The following ZNF518A variants were observed in gnomAD, a reference collection of about 807,000 sequenced individuals.
ZNF518A encodes zinc finger protein 518A, also known as zinc finger protein 518.
Under a neutral mutation model 102.7 loss-of-function variants are expected in ZNF518A, and 47 were observed. That is an observed-to-expected ratio of 0.46 (90% CI 0.36 to 0.58). ZNF518A has a LOEUF of 0.58. Among genes scored for constraint, ZNF518A ranks in the 20% least tolerant of loss-of-function variants. The pLI, the probability that ZNF518A is intolerant of heterozygous loss-of-function variation, is 0.00. For missense variants in ZNF518A, 1,793 were observed against 1,699.8 expected (o/e 1.05, Z -0.96); for synonymous variants, 652 against 594.6 (o/e 1.10, Z -1.40).
intron 1 of ZNF518A, chr10:96,196,855 T>G: frequency 6.4e-7 from 1 of 1,551,164 alleles, no homozygotes; most frequent in South Asian, 1.1e-5. Context: ...GTATTTGATG[T>G]CATTATACTC....
At chr10:96,204,615 T>G, downstream of ZNF518A, 1 of 1,613,990 alleles carries the variant, frequency 6.2e-7, no homozygotes, top group Non-Finnish European at 8.5e-7. Context: ...GTATAGGTTT[T>G]TCTGGATCAG....
intron 1 of ZNF518A, among the ~76,000 whole-genome samples, chr10:96,179,777 C>CTT: frequency 2.0e-5 from 3 of 149,320 alleles, no homozygotes. Flanking sequence ...TCTTCTTCTT[C>CTT]CTTTTCTTCT....
chr10:96,158,836 C>T lies in ZNF518A; in HGVS notation c.2514C>T (p.Ile838=). Residue 838 remains isoleucine, a synonymous_variant, in exon 6 of 6, where the codon ATC becomes ATT. Coordinates refer to ENST00000316045, the MANE Select transcript of ZNF518A (RefSeq NM_001330736.2). ...ESSKDFKVQG[I]FPVPPGSVGI... ...CGAAAGATTTCAAAGTGCAAGGCAT[C>T]TTCCCAGTTCCACCTGGCAGTGTGG... The T allele has an allele frequency of 6.2e-7, 1 of 1,613,776 alleles. No individual in the cohort carries two copies. The highest frequency in any genetic ancestry group is 1.1e-5 in the South Asian group (1 of 91,074).
chr10:96,146,112 A>G (rs144496917), intron 3 of ZNF518A, among the ~76,000 whole-genome samples: 70 of 151,596 alleles, frequency 4.6e-4, no homozygotes, highest in African/African-American at 1.5e-3. Context: ...TTTTTTTTTC[A>G]CTTAAGGTAT....
At chr10:96,167,234 G>C (rs1487430200), downstream of ZNF518A, among the ~76,000 whole-genome samples, 1 of 152,196 alleles carries the variant, frequency 6.6e-6, no homozygotes, top group Non-Finnish European at 1.5e-5. Context: ...GCTGAGGTGG[G>C]TGGATCACTT....
chr10:96,157,915 G>T lies in ZNF518A; in HGVS notation c.1593G>T (p.Met531Ile). The part of the protein sequence containing the change: ...LSGKASSEKE[M>I]TLISQRNNML... ...GGAAAGCAAGTTCAGAAAAAGAAAT[G>T]ACTTTGATATCTCAAAGGAATAATA... The change falls in exon 6 of 6, where the codon ATG becomes ATT. Residue 531 changes from methionine to isoleucine, a missense_variant. This residue lies in a region of ZNF518A where 1,741 missense variants were observed against 1,622.6 expected (regional missense o/e 1.07). Coordinates refer to ENST00000316045, the MANE Select transcript of ZNF518A (RefSeq NM_001330736.2). 5 of 1,613,732 alleles carry T rather than the reference G, an allele frequency of 3.1e-6. No individual in the cohort carries two copies. Among genetic ancestry groups the T allele is most frequent in the South Asian group, 1.1e-5 (1 of 91,012 alleles).
chr10:96,141,921 T>C (rs1300021168), intron 3 of ZNF518A, among the ~76,000 whole-genome samples: 4 of 152,186 alleles, frequency 2.6e-5, no homozygotes, highest in African/African-American at 7.2e-5. Context: ...TAAAATACTT[T>C]TGTAGAGATG....
In ZNF518A at chr10:96,162,522, A is replaced by T. The variant is rs1465041630; in HGVS notation, c.*1748A>T. ...TTCAAGCTATCTTGCTATGCACATT[A>T]TACTTGTACTGTTTTGTGCAGTTTG... On this transcript the variant is annotated 3_prime_UTR_variant, in exon 6 of 6. Coordinates refer to ENST00000316045, the MANE Select transcript of ZNF518A (RefSeq NM_001330736.2). 1 of 166,904 alleles carries T rather than the reference A, an allele frequency of 6.0e-6. No individual in the cohort carries two copies. Among genetic ancestry groups the T allele is most frequent in the African/African-American group, 2.4e-5 (1 of 41,462 alleles). The allele number at this position is 166,904 out of a possible 1,614,324, so 10.3% of individuals were successfully genotyped here. A position where few individuals can be genotyped will look rare whatever the true frequency, so the allele number is the denominator to read the frequency against.
At chr10:96,201,015 G>C (rs782086992) in intron 1 of ZNF518A, 1 of 1,614,102 alleles carries the variant, frequency 6.2e-7, no homozygotes, top group Non-Finnish European at 8.5e-7. Context: ...ATGAAAAGCT[G>C]GGTAGGGGCC....
chr10:96,146,320 G>A (rs781921771), intron 3 of ZNF518A, among the ~76,000 whole-genome samples: 4 of 152,200 alleles, frequency 2.6e-5, no homozygotes, highest in Non-Finnish European at 5.9e-5. Flanking sequence ...AAGTGAATCA[G>A]AAGTTGTATG....
At chr10:96,202,825 G>A (rs1422597242) in intron 1 of ZNF518A, among the ~76,000 whole-genome samples, 18 of 152,178 alleles carry the variant, frequency 1.2e-4, no homozygotes, top group Non-Finnish European at 2.2e-4. Context: ...ACACCCGAAT[G>A]TGCTAGGCCT....
chr10:96,133,843 G>C (rs1554873281), intron 3 of ZNF518A, among the ~76,000 whole-genome samples, 195 bp downstream of exon 3: 2 of 152,050 alleles, frequency 1.3e-5, no homozygotes, highest in Non-Finnish European at 1.5e-5. Flanking sequence ...TTTTTATTTT[G>C]TCAGAAAATA....
intron 3 of ZNF518A, among the ~76,000 whole-genome samples, chr10:96,144,378 T>C (rs1436054221): frequency 6.6e-6 from 1 of 152,338 alleles, no homozygotes; most frequent in African/African-American, 2.4e-5. Context: ...CTGTATAATT[T>C]CATGTGGATG....
In ZNF518A at chr10:96,138,894, T is replaced by C. The variant is rs587770739; in HGVS notation, c.-302+5246T>C. On this transcript the variant is annotated intron_variant, in intron 3 of 5. Coordinates refer to ENST00000316045, the MANE Select transcript of ZNF518A (RefSeq NM_001330736.2). ...AATAAATAAAATATTGCCAGAGATA[T>C]TAAGTGTTACAAAAAAAGAAATAGA... is the stretch of plus-strand genomic sequence containing the variant. Among the ~76,000 whole-genome samples, 70 of 151,408 alleles carry C rather than the reference T, an allele frequency of 4.6e-4. 1 individual carries two copies. The highest frequency in any genetic ancestry group is 1.6e-3 in the African/African-American group (68 of 41,286).
rs1451200576 is a variant in ZNF518A at position 96,149,308 on chromosome 10, A to G, written c.-301-6018A>G. The stretch of plus-strand genomic sequence containing the variant: ...GGAGCCAACTTAGAAGCAGAAAAAA[A>G]GGGGATATGAGGTGAGGGTTTGTGT... On this transcript the variant is annotated intron_variant, in intron 3 of 5. Transcript: ENST00000316045. Among the ~76,000 whole-genome samples the G allele has an allele frequency of 2.0e-5, 3 of 152,146 alleles. No homozygotes were observed. In the East Asian group the frequency reaches 5.8e-4, roughly 29 times the overall value.
chr10:96,180,178 CTCTT>C (rs2083231124), intron 1 of ZNF518A, among the ~76,000 whole-genome samples: 1 of 87,566 alleles, frequency 1.1e-5, no homozygotes, highest in East Asian at 3.5e-4. Flanking sequence ...CAGCTCCAGC[CTCTT>C]TTTTTTTTTT....
intron 1 of ZNF518A, chr10:96,189,811 C>G: frequency 8.9e-7 from 1 of 1,127,328 alleles, no homozygotes; most frequent in African/African-American, 1.5e-5. Context: ...TTCCAGATAT[C>G]CTTAAGAGTT....
upstream of ZNF518A, chr10:96,129,975 C>T (rs587765721): frequency 6.5e-6 from 1 of 152,844 alleles, no homozygotes; most frequent in East Asian, 1.9e-4. Context: ...GGCCTCCGTT[C>T]TCTTCCGCTT....
rs924812575 is a variant in ZNF518A, at chr10:96,161,314, T to C, written c.*540T>C. 1 of 166,988 alleles carries C rather than the reference T, an allele frequency of 6.0e-6. No individual in the cohort carries two copies. Among genetic ancestry groups the C allele is most frequent in the Non-Finnish European group, 1.5e-5 (1 of 68,060 alleles). The allele number at this position is 166,988 out of a possible 1,614,324, so 10.3% of individuals were successfully genotyped here. ...GATATTAGGCTCCTTGAAAGTACAT[T>C]TAACTCACTACAGTTACACCTCATA... On this transcript the variant is annotated 3_prime_UTR_variant, in exon 6 of 6. Coordinates refer to ENST00000316045, the MANE Select transcript of ZNF518A (RefSeq NM_001330736.2).
Sources: gnomAD v4.1 joint callset for allele counts (sites outside exome capture counted in the v4.1 genomes callset) on GRCh38, gnomAD v4.1.1 for gene constraint, gnomAD v4.1.1 regional missense constraint, MANE v1.5 for transcripts, NCBI Gene and HGNC (gene_info 2026-07-23, HGNC 2026-07-21) for gene names.